The following TMEFF1 variants were observed in gnomAD, a reference collection of about 807,000 sequenced individuals.
The protein encoded by TMEFF1 is transmembrane protein with EGF like and two follistatin like domains 1.
Under a neutral mutation model 47.5 loss-of-function variants are expected in TMEFF1, and 20 were observed. That is an observed-to-expected ratio of 0.42 (90% confidence interval 0.30 to 0.61). TMEFF1 has a LOEUF of 0.61. TMEFF1 is among the 20% of genes least tolerant of loss of function. TMEFF1 has a pLI of 0.19. For missense variants in TMEFF1, 411 were observed against 471.1 expected (o/e 0.87, Z 1.18); for synonymous variants, 162 against 166.3 (o/e 0.97, Z 0.20).
chr9:100,494,812 AT>A (rs1443547619), intron 1 of TMEFF1, among the ~76,000 whole-genome samples: 1 of 152,210 alleles, frequency 6.6e-6, no homozygotes, highest in Non-Finnish European at 1.5e-5. Flanking sequence ...TAAAATGTCC[AT>A]TCATGAGCTT....
At chr9:100,496,732 A>C (rs777974898) in intron 1 of TMEFF1, among the ~76,000 whole-genome samples, 2 of 152,258 alleles carry the variant, frequency 1.3e-5, no homozygotes, top group Non-Finnish European at 2.9e-5. Flanking sequence ...CAAGAGTCTC[A>C]AAGTAGCAAA....
intron 7 of TMEFF1, among the ~76,000 whole-genome samples, chr9:100,552,766 G>A (rs925742832): frequency 3.3e-5 from 5 of 151,944 alleles, no homozygotes; most frequent in African/African-American, 7.3e-5. Flanking sequence ...GGAGGCTGAC[G>A]TGGGAGAATG....
At chr9:100,527,622 G>T (rs567039003) in intron 5 of TMEFF1, among the ~76,000 whole-genome samples, 19 of 152,304 alleles carry the variant, frequency 1.2e-4, no homozygotes, top group African/African-American at 4.6e-4. Flanking sequence ...GGCTAGCACA[G>T]CAGTCTGAGA....
chr9:100,475,013 A>G (rs1038740763), intron 1 of TMEFF1, among the ~76,000 whole-genome samples: 8 of 152,200 alleles, frequency 5.3e-5, no homozygotes, highest in Admixed American at 2.6e-4. Context: ...ATCATAAGCC[A>G]CATCCTTGCT....
intron 1 of TMEFF1, among the ~76,000 whole-genome samples, chr9:100,489,408 C>A (rs959963508): frequency 1.3e-5 from 2 of 152,122 alleles, no homozygotes; most frequent in Non-Finnish European, 2.9e-5. Flanking sequence ...CCAGACTGAT[C>A]TCAAACTCCT....
At chr9:100,563,479 T>A (rs1839061675) in intron 8 of TMEFF1, among the ~76,000 whole-genome samples, 1 of 152,248 alleles carries the variant, frequency 6.6e-6, no homozygotes, top group African/African-American at 2.4e-5. Context: ...GTGTACAGGT[T>A]AAAGGCTTTG....
intron 1 of TMEFF1, among the ~76,000 whole-genome samples, chr9:100,483,215 G>A (rs1031639925): frequency 6.6e-6 from 1 of 152,042 alleles, no homozygotes; most frequent in East Asian, 1.9e-4. Context: ...AACTAGGTGC[G>A]TCCAGGCACA....
intron 5 of TMEFF1, among the ~76,000 whole-genome samples, chr9:100,543,782 G>A (rs1282771974): frequency 1.3e-5 from 2 of 151,646 alleles, no homozygotes; most frequent in Non-Finnish European, 2.9e-5. Flanking sequence ...TTATTAATTT[G>A]TGTTGGGCTG....
At chr9:100,522,380 G>C (rs1463344590) in intron 5 of TMEFF1, among the ~76,000 whole-genome samples, 1 of 145,410 alleles carries the variant, frequency 6.9e-6, no homozygotes, top group African/African-American at 2.5e-5. Flanking sequence ...TTTATCCAAA[G>C]TATAATCTGG....
At chr9:100,556,191 C>T (rs1838910673) in intron 7 of TMEFF1, among the ~76,000 whole-genome samples, 1 of 152,050 alleles carries the variant, frequency 6.6e-6, no homozygotes, top group African/African-American at 2.4e-5. Flanking sequence ...GTTTGTTTTG[C>T]CATTGCTTCA....
intron 5 of TMEFF1, among the ~76,000 whole-genome samples, chr9:100,539,381 C>T (rs1052906141): frequency 4.6e-5 from 7 of 152,090 alleles, no homozygotes; most frequent in Middle Eastern, 3.2e-3. Flanking sequence ...AGCTGTGGAC[C>T]CTCGCGATGA....
At chr9:100,535,354 T>C (rs1186290492) in intron 5 of TMEFF1, among the ~76,000 whole-genome samples, 1 of 152,246 alleles carries the variant, frequency 6.6e-6, no homozygotes, top group Non-Finnish European at 1.5e-5. Flanking sequence ...ACTTAATTCA[T>C]ATCATTTAAA....
intron 1 of TMEFF1, among the ~76,000 whole-genome samples, chr9:100,489,392 T>C (rs1470254057): frequency 1.3e-5 from 2 of 152,124 alleles, no homozygotes; most frequent in Non-Finnish European, 2.9e-5. Context: ...GGTTTCACCA[T>C]GTTGCCCAGA....
At chr9:100,536,456 G>C (rs1285299590) in intron 5 of TMEFF1, among the ~76,000 whole-genome samples, 2 of 152,074 alleles carry the variant, frequency 1.3e-5, no homozygotes, top group Non-Finnish European at 2.9e-5. Flanking sequence ...TGAGCAGGGA[G>C]GTTCACAATT....
At chr9:100,483,099 T>C (rs1256707098) in intron 1 of TMEFF1, among the ~76,000 whole-genome samples, 1 of 151,164 alleles carries the variant, frequency 6.6e-6, no homozygotes, top group Non-Finnish European at 1.5e-5. Context: ...ATTTCTCTCA[T>C]TGTTGTGAAA....
At chr9:100,516,573 T>G (rs1838077831) in intron 4 of TMEFF1, 102 bp from the exon 5 acceptor site, 2 of 1,418,190 alleles carry the variant, frequency 1.4e-6, no homozygotes, top group Non-Finnish European at 1.9e-6. Flanking sequence ...AGAGCTCAGG[T>G]ACATTTTCCT....
chr9:100,474,191 G>A (rs1297175245), intron 1 of TMEFF1, among the ~76,000 whole-genome samples: 3 of 150,472 alleles, frequency 2.0e-5, no homozygotes, highest in Non-Finnish European at 4.4e-5. Context: ...CGGGGTGAGG[G>A]CAGGGGAGTG....
intron 1 of TMEFF1, among the ~76,000 whole-genome samples, chr9:100,477,583 G>A (rs1837258055): frequency 6.7e-6 from 1 of 148,474 alleles, no homozygotes; most frequent in African/African-American, 2.5e-5. Flanking sequence ...TACATAGCAG[G>A]TTTACCCACA....
chr9:100,504,859 C>G (rs530149964), intron 2 of TMEFF1, among the ~76,000 whole-genome samples: 1 of 152,164 alleles, frequency 6.6e-6, no homozygotes, highest in Non-Finnish European at 1.5e-5. Context: ...TGTGAAGATT[C>G]TCAGCCCTAT....
Sources: gnomAD v4.1 joint callset for allele counts (sites outside exome capture counted in the v4.1 genomes callset) on GRCh38, gnomAD v4.1.1 for gene constraint, MANE v1.5 for transcripts, NCBI Gene and HGNC (gene_info 2026-07-23, HGNC 2026-07-21) for gene names.